Variants in ULK4 observed in about 807,000 individuals in gnomAD.
ULK4 encodes unc-51 like kinase 4.
In ULK4, 133 loss-of-function variants were observed where a neutral mutation model predicts 160.6. That is an observed-to-expected ratio of 0.83 (90% CI 0.72 to 0.96). The LOEUF (loss-of-function observed/expected upper bound fraction) is 0.96. ULK4 is among the 40% of genes least tolerant of loss of function. The pLI, the probability that ULK4 is intolerant of heterozygous loss-of-function variation, is 0.00. For missense variants in ULK4, 1,580 were observed against 1,499.5 expected (o/e 1.05, Z -0.89); for synonymous variants, 534 against 539.8 (o/e 0.99, Z 0.15).
At chr3:41,277,150 C>A (rs559408388) in intron 35 of ULK4, among the ~76,000 whole-genome samples, 2 of 152,230 alleles carry the variant, frequency 1.3e-5, no homozygotes, top group African/African-American at 4.8e-5. Context: ...GATGAATTCA[C>A]AGCAGACTTC....
At chr3:41,698,899 C>T (rs567196350) in intron 27 of ULK4, among the ~76,000 whole-genome samples, 3 of 152,094 alleles carry the variant, frequency 2.0e-5, no homozygotes, top group East Asian at 1.9e-4. Flanking sequence ...CATGGTATTT[C>T]GTATTTGTTA....
intron 35 of ULK4, among the ~76,000 whole-genome samples, chr3:41,360,517 A>G (rs138984499): frequency 9.8e-5 from 15 of 152,306 alleles, no homozygotes; most frequent in African/African-American, 3.6e-4. Flanking sequence ...CTCAACTTAA[A>G]TGGCCTATCA....
Position 41,320,791 on chromosome 3 carries a change from C to T in ULK4, c.3679-71217G>A, listed in dbSNP as rs568329838. 5.8e-4 allele frequency among the ~76,000 whole-genome samples: 89 copies of T among 152,254 alleles called. 1 individual carries two copies. The highest frequency in any genetic ancestry group is 4.6e-4 in the African/African-American group (19 of 41,544). The stretch of plus-strand genomic sequence containing the variant: ...AATTAGCTGGGCATGGTGGTGCGCA[C>T]CTGTAATCCCAGCTACTCAGGAGGC... On this transcript the variant is annotated intron_variant, in intron 35 of 36. Coordinates refer to ENST00000301831, the MANE Select transcript of ULK4 (RefSeq NM_017886.4).
intron 35 of ULK4, among the ~76,000 whole-genome samples, chr3:41,256,157 C>T (rs2078831377): frequency 6.6e-6 from 1 of 152,172 alleles, no homozygotes; most frequent in African/African-American, 2.4e-5. Context: ...CTATCAAAAT[C>T]TCAGCAGAAA....
chr3:41,707,535 G>A (rs1467973583), intron 25 of ULK4, among the ~76,000 whole-genome samples: 2 of 152,110 alleles, frequency 1.3e-5, no homozygotes, highest in African/African-American at 4.8e-5. Context: ...ATAACCCAAT[G>A]TTTTCAAATG....
chr3:41,724,411 C>G (rs1344831382), intron 22 of ULK4, among the ~76,000 whole-genome samples: 1 of 152,104 alleles, frequency 6.6e-6, no homozygotes, highest in African/African-American at 2.4e-5. Context: ...AATTTATACT[C>G]CAACAGGTAG....
chr3:41,403,696 C>A (rs989856572), intron 34 of ULK4, among the ~76,000 whole-genome samples: 5 of 152,144 alleles, frequency 3.3e-5, no homozygotes, highest in African/African-American at 1.2e-4. Context: ...GATTTAAAAT[C>A]TTTCCCTTTT....
chr3:41,352,281 C>T (rs776616692), intron 35 of ULK4, among the ~76,000 whole-genome samples: 2 of 152,168 alleles, frequency 1.3e-5, no homozygotes, highest in African/African-American at 2.4e-5. Context: ...ATTGTAGCTA[C>T]AGAGGAATGG....
At chr3:41,826,843 C>A (rs1226672507) in intron 18 of ULK4, among the ~76,000 whole-genome samples, 1 of 143,902 alleles carries the variant, frequency 6.9e-6, no homozygotes, top group African/African-American at 2.8e-5. Flanking sequence ...CACCCCAAAT[C>A]AACAGAATAT....
At chr3:41,770,986 A>G (rs2039337601) in intron 21 of ULK4, among the ~76,000 whole-genome samples, 3 of 152,224 alleles carry the variant, frequency 2.0e-5, no homozygotes, top group Non-Finnish European at 4.4e-5. Flanking sequence ...GTCATCCACG[A>G]AGACCTGTAG....
intron 30 of ULK4, among the ~76,000 whole-genome samples, chr3:41,638,084 G>C (rs1321349829): frequency 6.6e-6 from 1 of 152,048 alleles, no homozygotes; most frequent in Non-Finnish European, 1.5e-5. Context: ...TTTGCTTTGA[G>C]TTCAAAGATA....
At chr3:41,824,534 G>T (rs149683415) in intron 18 of ULK4, among the ~76,000 whole-genome samples, 1 of 152,148 alleles carries the variant, frequency 6.6e-6, no homozygotes. Context: ...CGCCTGGCTC[G>T]GAGGGTCCTA....
intron 34 of ULK4, among the ~76,000 whole-genome samples, chr3:41,414,155 C>T (rs1575530224): frequency 1.3e-5 from 2 of 152,188 alleles, no homozygotes; most frequent in South Asian, 2.1e-4. Flanking sequence ...GAGCAGAGAT[C>T]GTGCCATTGC....
intron 35 of ULK4, among the ~76,000 whole-genome samples, chr3:41,305,730 G>T (rs2079900163): frequency 6.6e-6 from 1 of 150,956 alleles, no homozygotes; most frequent in Non-Finnish European, 1.5e-5. Context: ...AGTCTGGAAA[G>T]TGAGGAGCGT....
At position 41,912,811 on chromosome 3, in the gene ULK4, G is replaced by A. The variant is rs376418039; in HGVS notation, c.892C>T (p.Leu298Phe). ...DQESSVEDLS[L>F]SRNTMECSGP... is the part of the protein sequence containing the mutation. ...ACAAAGGTAAGTGTATACTACCTGAGACTGAGATCTTCGACGCTTGATTCC... is the reference window on the plus strand; with the variant it reads ...ACAAAGGTAAGTGTATACTACCTGAAACTGAGATCTTCGACGCTTGATTCC... Residue 298 changes from leucine to phenylalanine, a missense_variant, in exon 9 of 37, where the codon CTC (leucine) becomes TTC (phenylalanine). By Grantham distance (22) the Leu-to-Phe change is conservative (BLOSUM62 0). Transcript: ENST00000301831. 6.2e-7 allele frequency: 1 copy of A among 1,614,044 alleles called. No homozygotes were observed. Among genetic ancestry groups the A allele is most frequent in the Non-Finnish European group, 8.5e-7 (1 of 1,179,944 alleles).
chr3:41,485,476 A>C (rs9878069), intron 32 of ULK4, among the ~76,000 whole-genome samples: 1 of 152,064 alleles, frequency 6.6e-6, no homozygotes, highest in Non-Finnish European at 1.5e-5. Context: ...GCAGCAAGAA[A>C]TTCTACCTTG....
At chr3:41,492,889 A>G (rs886436614) in intron 32 of ULK4, among the ~76,000 whole-genome samples, 2 of 143,654 alleles carry the variant, frequency 1.4e-5, no homozygotes, top group African/African-American at 5.2e-5. Flanking sequence ...TATCCTAAAT[A>G]TATATGCACC....
chr3:41,550,482 G>A (rs933956886), intron 32 of ULK4, among the ~76,000 whole-genome samples: 7 of 151,786 alleles, frequency 4.6e-5, no homozygotes, highest in Admixed American at 4.6e-4. Flanking sequence ...AGCAAAAGTA[G>A]CTACATTTAT....
intron 32 of ULK4, among the ~76,000 whole-genome samples, chr3:41,536,170 A>G (rs1038012805): frequency 2.6e-5 from 4 of 151,970 alleles, no homozygotes; most frequent in East Asian, 1.9e-4. Context: ...TCTTTTCTAT[A>G]TATGTTCCTT....
Sources: gnomAD v4.1 joint callset for allele counts (sites outside exome capture counted in the v4.1 genomes callset) on GRCh38, gnomAD v4.1.1 for gene constraint, MANE v1.5 for transcripts, NCBI Gene and HGNC (gene_info 2026-07-23, HGNC 2026-07-21) for gene names.